FBXW8: variants seen among roughly 807,000 people sequenced by gnomAD.
The protein encoded by FBXW8 is F-box/WD repeat-containing protein 8.
In FBXW8, 57 loss-of-function variants were observed where a neutral mutation model predicts 65.3. The ratio of observed to expected loss-of-function variants is 0.87; its 90% CI spans 0.71 to 1.09. FBXW8 has a LOEUF of 1.09. FBXW8 is among the 50% of genes least tolerant of loss of function. The pLI, the probability that FBXW8 is intolerant of heterozygous loss-of-function variation, is 0.00. For synonymous variants in FBXW8, 308 were observed against 330.2 expected (o/e 0.93, Z 0.73); for missense variants, 777 against 814.8 (o/e 0.95, Z 0.57).
At chr12:116,998,427 T>C (rs1270385598) in intron 7 of FBXW8, among the ~76,000 whole-genome samples, 2 of 152,234 alleles carry the variant, frequency 1.3e-5, no homozygotes, top group Non-Finnish European at 2.9e-5. Context: ...GTTCATTGCC[T>C]TTCTTGTCTT....
chr12:116,993,777 C>T (rs954553819), intron 7 of FBXW8, among the ~76,000 whole-genome samples: 5 of 152,118 alleles, frequency 3.3e-5, no homozygotes, highest in African/African-American at 1.2e-4. Flanking sequence ...GTTTTTGTTA[C>T]ATTTGCTTTT....
chr12:116,981,777 C>G (rs1396458974), intron 5 of FBXW8, among the ~76,000 whole-genome samples: 1 of 152,042 alleles, frequency 6.6e-6, no homozygotes, highest in Non-Finnish European at 1.5e-5. Flanking sequence ...CAATGACTGG[C>G]TAATTTTTGT....
intron 6 of FBXW8, chr12:116,986,660 C>G (rs1266286807): frequency 1.3e-5 from 2 of 151,966 alleles, no homozygotes; most frequent in African/African-American, 4.8e-5. Flanking sequence ...AACAAAAAAA[C>G]GAATACTGTA....
intron 7 of FBXW8, among the ~76,000 whole-genome samples, chr12:117,009,222 T>A (rs1332224268): frequency 2.6e-5 from 4 of 151,972 alleles, no homozygotes; most frequent in East Asian, 1.9e-4. Flanking sequence ...AAAAATTTTT[T>A]AAAAAAGAAA....
At chr12:117,006,570 G>T (rs1380404324) in intron 7 of FBXW8, among the ~76,000 whole-genome samples, 1 of 152,160 alleles carries the variant, frequency 6.6e-6, no homozygotes, top group East Asian at 1.9e-4. Context: ...TCTCCTTCCT[G>T]ACTCTGGACC....
chr12:116,981,762 C>T (rs756632523), intron 5 of FBXW8, among the ~76,000 whole-genome samples: 3 of 151,930 alleles, frequency 2.0e-5, no homozygotes, highest in African/African-American at 4.8e-5. Context: ...TACAGGTGCC[C>T]ACCACAATGA....
At chr12:116,966,898 T>C (rs1268554557) in intron 5 of FBXW8, among the ~76,000 whole-genome samples, 1 of 152,148 alleles carries the variant, frequency 6.6e-6, no homozygotes, top group Admixed American at 6.5e-5. Flanking sequence ...TTTGTATTTT[T>C]ACTAGAGACG....
chr12:116,971,534 C>T (rs912413085), intron 5 of FBXW8, among the ~76,000 whole-genome samples: 65 of 151,910 alleles, frequency 4.3e-4, no homozygotes, highest in African/African-American at 1.5e-3. Flanking sequence ...TGAATACAAA[C>T]GCTCTTTAAA....
At chr12:116,953,569 A>G (rs1056267245) in intron 4 of FBXW8, among the ~76,000 whole-genome samples, 1 of 151,820 alleles carries the variant, frequency 6.6e-6, no homozygotes, top group Non-Finnish European at 1.5e-5. Flanking sequence ...CAGGAGATCG[A>G]GACCATCCTG....
At chr12:116,913,926 A>G (rs1028436610) in intron 1 of FBXW8, among the ~76,000 whole-genome samples, 1 of 152,106 alleles carries the variant, frequency 6.6e-6, no homozygotes, top group African/African-American at 2.4e-5. Context: ...ATTAGGTACT[A>G]CTAGGTTCTC....
chr12:117,009,958 G>C (rs965571834), intron 7 of FBXW8, among the ~76,000 whole-genome samples: 1 of 152,164 alleles, frequency 6.6e-6, no homozygotes, highest in Non-Finnish European at 1.5e-5. Context: ...GATGCTTTGC[G>C]AGCTTTCCCA....
intron 7 of FBXW8, among the ~76,000 whole-genome samples, chr12:116,990,771 C>T (rs1953220004): frequency 6.6e-6 from 1 of 152,170 alleles, no homozygotes; most frequent in African/African-American, 2.4e-5. Context: ...TGATTCCTCT[C>T]AAAATTTCCA....
At chr12:116,988,494 C>T (rs923708147) in intron 6 of FBXW8, among the ~76,000 whole-genome samples, 169 bp from the exon 7 acceptor site, 3 of 152,132 alleles carry the variant, frequency 2.0e-5, no homozygotes, top group Non-Finnish European at 4.4e-5. Flanking sequence ...TACTGAGCAT[C>T]TTTTCTGTTG....
At chr12:116,962,296 C>G (rs894362261) in intron 4 of FBXW8, among the ~76,000 whole-genome samples, 1 of 152,184 alleles carries the variant, frequency 6.6e-6, no homozygotes, top group Admixed American at 6.5e-5. Context: ...GAGTAAGGAG[C>G]GGGCTCAACA....
chr12:116,975,281 T>A (rs1884856734), intron 5 of FBXW8, among the ~76,000 whole-genome samples: 1 of 152,222 alleles, frequency 6.6e-6, no homozygotes, highest in African/African-American at 2.4e-5. Flanking sequence ...ACTGGGTGAC[T>A]TATAAACAAC....
chr12:116,977,651 CAT>C (rs1009803040), intron 5 of FBXW8: 3 of 152,130 alleles, frequency 2.0e-5, no homozygotes, highest in African/African-American at 4.8e-5. Context: ...GAGTCTATAT[CAT>C]GTGTATATCG....
At chr12:116,926,667 T>G (rs1477757135) in intron 1 of FBXW8, among the ~76,000 whole-genome samples, 5 of 152,160 alleles carry the variant, frequency 3.3e-5, no homozygotes, top group Non-Finnish European at 7.4e-5. Context: ...TTCTGTATGG[T>G]CAAAATTTCT....
chr12:116,999,817 C>G (rs1173721574), intron 7 of FBXW8, among the ~76,000 whole-genome samples: 1 of 152,204 alleles, frequency 6.6e-6, no homozygotes, highest in Non-Finnish European at 1.5e-5. Context: ...CACATTCATT[C>G]CTGACCGGGG....
chr12:116,966,882 C>A (rs1884359286), intron 5 of FBXW8, among the ~76,000 whole-genome samples: 1 of 152,064 alleles, frequency 6.6e-6, no homozygotes, highest in African/African-American at 2.4e-5. Flanking sequence ...CAACAACCAA[C>A]TAATTTTTGT....
Sources: allele counts gnomAD v4.1 joint callset (sites outside exome capture counted in the v4.1 genomes callset), GRCh38; gene constraint gnomAD v4.1.1; transcripts MANE v1.5; gene names NCBI Gene and HGNC (gene_info 2026-07-23, HGNC 2026-07-21).